The following TSPAN5 variants were observed in gnomAD, a reference collection of about 807,000 sequenced individuals.
The protein encoded by TSPAN5 is tetraspanin 5.
Under a neutral mutation model 37.1 loss-of-function variants are expected in TSPAN5, and 10 were observed. The ratio of observed to expected loss-of-function variants is 0.27; its 90% CI spans 0.17 to 0.46. The LOEUF (loss-of-function observed/expected upper bound fraction) is 0.46, where lower values mean the gene tolerates loss of function less well. TSPAN5 is among the 20% of genes least tolerant of loss of function. The probability of loss-of-function intolerance (pLI) is 1.00; values close to 1 mark genes in which losing one functional copy is unlikely to be tolerated. For synonymous variants in TSPAN5, 110 were observed against 118.9 expected (o/e 0.93, Z 0.48); for missense variants, 195 against 326.6 (o/e 0.60, Z 3.11).
chr4:98,606,488 T>C (rs1343210112), intron 1 of TSPAN5, among the ~76,000 whole-genome samples: 1 of 152,198 alleles, frequency 6.6e-6, no homozygotes, highest in Non-Finnish European at 1.5e-5. Context: ...GGTAGATAAT[T>C]CTTAAACATA....
At chr4:98,515,018 T>C (rs1209990276) in intron 1 of TSPAN5, among the ~76,000 whole-genome samples, 2 of 151,800 alleles carry the variant, frequency 1.3e-5, no homozygotes, top group African/African-American at 4.8e-5. Context: ...ATAACAGAGG[T>C]CTTCACTAAG....
At chr4:98,574,058 C>G (rs770371655) in intron 1 of TSPAN5, among the ~76,000 whole-genome samples, 33 of 152,300 alleles carry the variant, frequency 2.2e-4, no homozygotes, top group Non-Finnish European at 3.8e-4. Flanking sequence ...CAAGAGTTTC[C>G]TACAAGGCTA....
chr4:98,590,851 T>A (rs902073797), intron 1 of TSPAN5, among the ~76,000 whole-genome samples: 1 of 152,038 alleles, frequency 6.6e-6, no homozygotes, highest in Non-Finnish European at 1.5e-5. Context: ...AAGGGTGAAA[T>A]GGCTCCTTTA....
At chr4:98,651,623 T>C (rs1209194889) in intron 1 of TSPAN5, among the ~76,000 whole-genome samples, 1 of 152,182 alleles carries the variant, frequency 6.6e-6, no homozygotes, top group Non-Finnish European at 1.5e-5. Flanking sequence ...ATTTTCCTAT[T>C]GGTTTAATGT....
intron 1 of TSPAN5, among the ~76,000 whole-genome samples, chr4:98,533,719 T>G (rs1355943301): frequency 6.7e-6 from 1 of 148,414 alleles, no homozygotes; most frequent in Non-Finnish European, 1.5e-5. Flanking sequence ...CCTGGCTAAT[T>G]TTTTGTATTT....
At chr4:98,563,893 A>T (rs1404698153) in intron 1 of TSPAN5, among the ~76,000 whole-genome samples, 4 of 152,166 alleles carry the variant, frequency 2.6e-5, no homozygotes, top group Non-Finnish European at 5.9e-5. Context: ...GGAAGTCTCT[A>T]GATGTTCTAT....
At chr4:98,526,204 C>T (rs1396926463) in intron 1 of TSPAN5, among the ~76,000 whole-genome samples, 1 of 152,124 alleles carries the variant, frequency 6.6e-6, no homozygotes, top group African/African-American at 2.4e-5. Flanking sequence ...CTCTGAGGCC[C>T]AACAAAGTCA....
At chr4:98,503,954 T>C (rs1225744087) in intron 2 of TSPAN5, among the ~76,000 whole-genome samples, 2 of 152,218 alleles carry the variant, frequency 1.3e-5, no homozygotes, top group East Asian at 1.9e-4. Context: ...TCAGCTTCCC[T>C]TGGAGACACT....
At chr4:98,600,011 C>T (rs1334461000) in intron 1 of TSPAN5, among the ~76,000 whole-genome samples, 3 of 152,054 alleles carry the variant, frequency 2.0e-5, no homozygotes, top group Non-Finnish European at 4.4e-5. Context: ...TTCTAGACCA[C>T]AGTACTAAGG....
chr4:98,507,604 A>C, intron 2 of TSPAN5, 74 bp downstream of exon 2: 3 of 1,117,814 alleles, frequency 2.7e-6, no homozygotes, highest in Non-Finnish European at 1.3e-6. Context: ...TCAAAGAGAA[A>C]GGGGGATAAT....
At chr4:98,552,023 C>A (rs1754630441) in intron 1 of TSPAN5, among the ~76,000 whole-genome samples, 1 of 152,036 alleles carries the variant, frequency 6.6e-6, no homozygotes, top group South Asian at 2.1e-4. Context: ...CTCTGATGAT[C>A]TTATATTTCC....
At chr4:98,608,722 C>T (rs78931950) in intron 1 of TSPAN5, among the ~76,000 whole-genome samples, 428 of 152,260 alleles carry the variant, frequency 2.8e-3, no homozygotes, top group Non-Finnish European at 4.7e-3. Flanking sequence ...ACTATGTAAA[C>T]GCAGTGCTGT....
At chr4:98,632,044 C>T (rs1756760992) in intron 1 of TSPAN5, among the ~76,000 whole-genome samples, 1 of 152,138 alleles carries the variant, frequency 6.6e-6, no homozygotes, top group East Asian at 1.9e-4. Context: ...AACCAGCTCT[C>T]CCCTAGAATG....
At chr4:98,505,493 T>C (rs1433024117) in intron 2 of TSPAN5, among the ~76,000 whole-genome samples, 3 of 152,196 alleles carry the variant, frequency 2.0e-5, no homozygotes, top group African/African-American at 7.2e-5. Context: ...CTGCAGATCC[T>C]TCTTCCTTCA....
At chr4:98,638,739 A>G (rs954837337) in intron 1 of TSPAN5, among the ~76,000 whole-genome samples, 2 of 152,204 alleles carry the variant, frequency 1.3e-5, no homozygotes, top group African/African-American at 4.8e-5. Flanking sequence ...TCGCAAGGTA[A>G]TAAGTTAGCC....
At chr4:98,595,553 G>C (rs1042423560) in intron 1 of TSPAN5, among the ~76,000 whole-genome samples, 1 of 129,446 alleles carries the variant, frequency 7.7e-6, no homozygotes, top group African/African-American at 3.5e-5. Context: ...GATCTTTCCT[G>C]CTTTCTCTTG....
At chr4:98,633,673 C>A (rs555870039) in intron 1 of TSPAN5, among the ~76,000 whole-genome samples, 2 of 152,218 alleles carry the variant, frequency 1.3e-5, no homozygotes, top group East Asian at 3.9e-4. Flanking sequence ...GCTGCACTAC[C>A]CTGAACCACT....
chr4:98,501,256 T>C (rs1484465428), intron 2 of TSPAN5, among the ~76,000 whole-genome samples: 2 of 152,214 alleles, frequency 1.3e-5, no homozygotes, highest in Admixed American at 1.3e-4. Flanking sequence ...CCACACGTAT[T>C]TACCTCCTTT....
intron 1 of TSPAN5, among the ~76,000 whole-genome samples, chr4:98,630,557 T>C (rs74912490): frequency 6.6e-6 from 1 of 152,174 alleles, no homozygotes; most frequent in African/African-American, 2.4e-5. Flanking sequence ...GAAGATGACT[T>C]AGCAAAGGGA....
Sources: allele counts gnomAD v4.1 joint callset (sites outside exome capture counted in the v4.1 genomes callset), GRCh38; gene constraint gnomAD v4.1.1; transcripts MANE v1.5; gene names NCBI Gene and HGNC (gene_info 2026-07-23, HGNC 2026-07-21).